Variants in FAM78B observed in about 807,000 individuals in gnomAD.
FAM78B encodes family with sequence similarity 78 member B.
In FAM78B, 10 loss-of-function variants were observed where a neutral mutation model predicts 20.0. That is an observed-to-expected ratio of 0.50 (90% CI 0.31 to 0.85). The LOEUF is 0.85. FAM78B is among the 40% of genes least tolerant of loss of function. The pLI is 0.05. For synonymous variants in FAM78B, 135 were observed against 132.8 expected (o/e 1.02, Z -0.12); for missense variants, 283 against 345.0 (o/e 0.82, Z 1.42).
chr1:166,056,410 T>G (rs1441381881), downstream of FAM78B, among the ~76,000 whole-genome samples: 1 of 152,044 alleles, frequency 6.6e-6, no homozygotes, highest in Non-Finnish European at 1.5e-5. Context: ...GTGCAGGTGG[T>G]GGGGACGGGC....
downstream of FAM78B, among the ~76,000 whole-genome samples, chr1:166,064,810 C>T (rs1651740945): frequency 6.6e-6 from 1 of 152,232 alleles, no homozygotes; most frequent in South Asian, 2.1e-4. Flanking sequence ...AGACACTGTC[C>T]TACTTTGTCT....
chr1:166,077,606 T>C (rs1652325991), intron 1 of FAM78B, among the ~76,000 whole-genome samples: 1 of 144,428 alleles, frequency 6.9e-6, no homozygotes, highest in South Asian at 2.1e-4. Flanking sequence ...TAATTATATA[T>C]TTATATAAAT....
In FAM78B at chr1:166,062,840, T is replaced by C. The variant is rs576766452; in HGVS notation, c.*410-2177A>G. On this transcript the variant is annotated intron_variant and NMD_transcript_variant, in intron 2 of 2. Transcript: ENST00000435676. ...TGTTATTTTTCCAATTAACATTTCA[T>C]TGGATCACGTCTGTGTGGAATATTC... is the stretch of plus-strand genomic sequence containing the variant. Among the ~76,000 whole-genome samples, 5 of 152,230 alleles carry C rather than the reference T, an allele frequency of 3.3e-5. No individual in the cohort carries two copies. The East Asian group carries it at 5.8e-4, about 18-fold the overall frequency.
intron 1 of FAM78B, among the ~76,000 whole-genome samples, chr1:166,134,127 T>G (rs1654983669): frequency 6.6e-6 from 1 of 152,186 alleles, no homozygotes; most frequent in Non-Finnish European, 1.5e-5. Flanking sequence ...CCTACAACAT[T>G]CAGTTTCTCC....
intron 1 of FAM78B, among the ~76,000 whole-genome samples, chr1:166,155,218 C>T (rs765547754): frequency 1.3e-5 from 2 of 152,218 alleles, no homozygotes; most frequent in Non-Finnish European, 2.9e-5. Flanking sequence ...TGAATACTTC[C>T]TGATCATTCA....
chr1:166,138,189 G>A (rs1371541806), intron 1 of FAM78B, among the ~76,000 whole-genome samples: 2 of 152,076 alleles, frequency 1.3e-5, no homozygotes, highest in Non-Finnish European at 2.9e-5. Context: ...ACTTCAGTTG[G>A]TGGTTTCCTC....
chr1:166,107,614 G>C (rs1054849031), intron 1 of FAM78B, among the ~76,000 whole-genome samples: 3 of 152,052 alleles, frequency 2.0e-5, no homozygotes, highest in African/African-American at 7.2e-5. Context: ...CCACAAGATG[G>C]AGAAGGAACC....
chr1:166,092,684 C>T (rs930255480), intron 1 of FAM78B, among the ~76,000 whole-genome samples: 1 of 152,178 alleles, frequency 6.6e-6, no homozygotes, highest in Non-Finnish European at 1.5e-5. Context: ...GCGTGGGCTC[C>T]CCAATATGAA....
At chr1:166,165,912 G>A in intron 1 of FAM78B, 74 bp downstream of exon 1, 1 of 1,571,138 alleles carries the variant, frequency 6.4e-7, no homozygotes, top group East Asian at 2.2e-5. Context: ...GAAGGAGCTG[G>A]GGAGGGGGGT....
At chr1:166,161,431 T>C (rs749150031) in intron 1 of FAM78B, among the ~76,000 whole-genome samples, 18 of 152,220 alleles carry the variant, frequency 1.2e-4, no homozygotes, top group Non-Finnish European at 2.6e-4. Flanking sequence ...TCCCATTTTA[T>C]TCCAATTGCA....
At chr1:166,153,510 A>G (rs1171539731) in intron 1 of FAM78B, among the ~76,000 whole-genome samples, 3 of 152,230 alleles carry the variant, frequency 2.0e-5, no homozygotes, top group Admixed American at 6.5e-5. Flanking sequence ...CCTGTGAGTT[A>G]TAGGACTTGG....
At chr1:166,132,914 T>C (rs1654926312) in intron 1 of FAM78B, among the ~76,000 whole-genome samples, 1 of 152,194 alleles carries the variant, frequency 6.6e-6, no homozygotes, top group Non-Finnish European at 1.5e-5. Context: ...ATGATTAAAA[T>C]GATAAGGGCA....
At chr1:166,140,000 G>C (rs1400756988) in intron 1 of FAM78B, among the ~76,000 whole-genome samples, 3 of 152,218 alleles carry the variant, frequency 2.0e-5, no homozygotes, top group Non-Finnish European at 4.4e-5. Flanking sequence ...CGCAGGATGA[G>C]GGAGAGGGTA....
At chr1:166,058,858 A>G (rs999887818) in exon 3 of FAM78B, 1 of 152,436 alleles carries the variant, frequency 6.6e-6, no homozygotes, top group African/African-American at 2.4e-5. Flanking sequence ...ATTTGAATGC[A>G]CAGTAGCTGC....
In FAM78B at chr1:166,166,089, G is replaced by A. The variant is rs765745983; in HGVS notation, c.160C>T (p.Arg54Cys). 1.2e-6 allele frequency: 2 copies of A among 1,613,744 alleles called. No individual in the cohort carries two copies. The highest frequency in any genetic ancestry group is 1.7e-6 in the Non-Finnish European group (2 of 1,179,890). ...CGGGGGATGGGGGGCATGACCACGC[G>A]GGCGGAGGCTTTGAAGTAGGGGGTC... ...YKTPYFKASARVVMPPIPRHE... is the reference protein window; with the variant it reads ...YKTPYFKASACVVMPPIPRHE... Residue 54 changes from arginine to cysteine, a missense_variant, in exon 1 of 2, where the codon CGC (arginine) becomes TGC (cysteine). Physicochemically the swap from Arg to Cys is radical, Grantham distance 180. Coordinates refer to ENST00000354422, the MANE Select transcript of FAM78B (RefSeq NM_001017961.5).
intron 1 of FAM78B, among the ~76,000 whole-genome samples, chr1:166,089,734 G>A (rs1280461005): frequency 6.6e-6 from 1 of 152,076 alleles, no homozygotes; most frequent in Non-Finnish European, 1.5e-5. Context: ...GTGAGGGGGA[G>A]GGTACCGATG....
At chr1:166,163,580 T>C (rs1188734975) in intron 1 of FAM78B, among the ~76,000 whole-genome samples, 1 of 152,180 alleles carries the variant, frequency 6.6e-6, no homozygotes, top group East Asian at 1.9e-4. Flanking sequence ...AGGTGAAAAA[T>C]CACTCCATGC....
chr1:166,119,925 T>C (rs1193807246), intron 1 of FAM78B, among the ~76,000 whole-genome samples: 1 of 152,178 alleles, frequency 6.6e-6, no homozygotes, highest in Non-Finnish European at 1.5e-5. Flanking sequence ...AGAGGGAAGC[T>C]AAGCATGAAA....
intron 1 of FAM78B, among the ~76,000 whole-genome samples, chr1:166,108,799 G>A (rs936347778): frequency 2.6e-5 from 4 of 152,114 alleles, no homozygotes; most frequent in Non-Finnish European, 4.4e-5. Flanking sequence ...CATGGTACTG[G>A]TACAAAAATA....
Sources: allele counts gnomAD v4.1 joint callset (sites outside exome capture counted in the v4.1 genomes callset), GRCh38; gene constraint gnomAD v4.1.1; transcripts MANE v1.5; gene names NCBI Gene and HGNC (gene_info 2026-07-23, HGNC 2026-07-21).